NCALD: variants seen among roughly 807,000 people sequenced by gnomAD.
The protein encoded by NCALD is neurocalcin-delta.
A neutral mutation model predicts 18.6 loss-of-function variants in NCALD; 10 were observed. The ratio of observed to expected loss-of-function variants is 0.54; its 90% CI spans 0.33 to 0.91. The LOEUF is 0.91. Ranked by LOEUF, NCALD falls within the 40% of genes least tolerant of loss-of-function variation. The pLI is 0.03. For missense variants in NCALD, 184 were observed against 247.6 expected (o/e 0.74, Z 1.72); for synonymous variants, 88 against 87.4 (o/e 1.01, Z -0.04).
At chr8:101,766,624 T>C (rs1254081940) in intron 1 of NCALD, among the ~76,000 whole-genome samples, 1 of 152,204 alleles carries the variant, frequency 6.6e-6, no homozygotes, top group African/African-American at 2.4e-5. Flanking sequence ...GGTCTGTCTG[T>C]CACCCAGGCT....
At chr8:101,872,022 A>C in intron 4 of NCALD, 1 of 1,068,776 alleles carries the variant, frequency 9.4e-7, no homozygotes, top group South Asian at 1.3e-5. Flanking sequence ...CGATCAACTG[A>C]GCCTTGATGT....
At position 101,928,687 on chromosome 8, in the gene NCALD, G is replaced by A. The variant is rs74719124; in HGVS notation, c.-156-12829C>T. ...GAGTTTTTTCCTTTATTGATCTCCT[G>A]TTTATTCATTTTCAGGACTTCTTAC... On this transcript the variant is annotated intron_variant, in intron 2 of 6. Coordinates refer to the NCALD transcript ENST00000311028. 1.1e-3 allele frequency among the ~76,000 whole-genome samples: 167 copies of A among 149,354 alleles called. 1 individual carries two copies. In the East Asian group the frequency reaches 0.031, roughly 28 times the overall value.
At chr8:102,092,378 C>T (rs1202565560) in intron 1 of NCALD, among the ~76,000 whole-genome samples, 1 of 152,214 alleles carries the variant, frequency 6.6e-6, no homozygotes. Flanking sequence ...CCTTTACTTT[C>T]CTAATAAACT....
At chr8:101,764,131 G>A (rs981274698) in intron 1 of NCALD, among the ~76,000 whole-genome samples, 2 of 152,110 alleles carry the variant, frequency 1.3e-5, no homozygotes, top group African/African-American at 2.4e-5. Context: ...TTGGGACTGA[G>A]TTGAAAACTG....
At chr8:102,018,050 C>T (rs1822149030) in intron 2 of NCALD, among the ~76,000 whole-genome samples, 1 of 152,086 alleles carries the variant, frequency 6.6e-6, no homozygotes, top group Admixed American at 6.5e-5. Context: ...GTTATACGCT[C>T]AAATTGCTAA....
At chr8:101,749,522 T>C (rs1179345511) in intron 1 of NCALD, among the ~76,000 whole-genome samples, 1 of 152,180 alleles carries the variant, frequency 6.6e-6, no homozygotes, top group African/African-American at 2.4e-5. Flanking sequence ...CCACTAAGTA[T>C]ATGACAGGCT....
chr8:101,784,164 C>T (rs6983880), intron 1 of NCALD, among the ~76,000 whole-genome samples: 3,463 of 152,118 alleles, frequency 0.023, 128 homozygotes, highest in African/African-American at 0.078. Context: ...ACCTGATGAC[C>T]GGGCCTGGAG....
At position 101,689,523 on chromosome 8, in the gene NCALD, G is replaced by T; in HGVS notation, c.485-117C>A. Reference sequence around the variant, plus strand: ...ACCTGCCTGCAGCCTCACTGCCACTGTGACACACAGCACTCACCTGTCCCG... The same window carrying T: ...ACCTGCCTGCAGCCTCACTGCCACTTTGACACACAGCACTCACCTGTCCCG... On this transcript the variant is annotated intron_variant, in intron 3 of 3. Coordinates refer to ENST00000220931, the MANE Select transcript of NCALD (RefSeq NM_032041.3). The surrounding 1 kb of genome is among the most constrained non-coding windows in gnomAD (Gnocchi z 4.4). 4.1e-6 allele frequency: 3 copies of T among 740,358 alleles called. No homozygotes were observed. The highest frequency in any genetic ancestry group is 6.9e-6 in the Non-Finnish European group (3 of 434,160). 45.9% of individuals were successfully genotyped at this position (740,358 alleles called of 1,614,324 possible).
intron 2 of NCALD, among the ~76,000 whole-genome samples, chr8:101,962,139 A>G (rs1400432691): frequency 6.6e-6 from 1 of 152,172 alleles, no homozygotes; most frequent in Non-Finnish European, 1.5e-5. Flanking sequence ...AAAACCCATA[A>G]TAATCTCCTC....
intron 2 of NCALD, among the ~76,000 whole-genome samples, chr8:101,700,947 G>C (rs1346072868): frequency 6.6e-6 from 1 of 152,204 alleles, no homozygotes; most frequent in African/African-American, 2.4e-5. Flanking sequence ...GGAGGAAGTG[G>C]GGTCTTCTTT....
chr8:102,087,211 T>C (rs1015499836), intron 1 of NCALD, among the ~76,000 whole-genome samples: 5 of 152,208 alleles, frequency 3.3e-5, no homozygotes, highest in South Asian at 2.1e-4. Context: ...AGGATCTGGA[T>C]TGGGACCCTT....
intron 1 of NCALD, among the ~76,000 whole-genome samples, chr8:102,111,411 G>GGTGT (rs1825634778): frequency 9.6e-6 from 1 of 103,968 alleles, no homozygotes; most frequent in Non-Finnish European, 2.1e-5. Flanking sequence ...TGTCTAAAGA[G>GGTGT]ATGTGTGTGT....
intron 2 of NCALD, among the ~76,000 whole-genome samples, chr8:101,993,583 G>A (rs1237329317): frequency 1.3e-5 from 2 of 152,172 alleles, no homozygotes; most frequent in Non-Finnish European, 2.9e-5. Context: ...GGGCAGGTCT[G>A]GCACAGAATG....
chr8:101,978,430 T>C (rs1820502406), intron 2 of NCALD, among the ~76,000 whole-genome samples: 1 of 152,208 alleles, frequency 6.6e-6, no homozygotes, highest in African/African-American at 2.4e-5. Context: ...TTTCATTTTA[T>C]CTTCCTATGA....
chr8:102,085,994 T>C (rs980441910), intron 1 of NCALD, among the ~76,000 whole-genome samples: 1 of 152,218 alleles, frequency 6.6e-6, no homozygotes, highest in Non-Finnish European at 1.5e-5. Flanking sequence ...TAATCTTTTT[T>C]CCTGACATTT....
At chr8:101,791,285 C>T (rs529551547), upstream of NCALD, among the ~76,000 whole-genome samples, 41 of 152,246 alleles carry the variant, frequency 2.7e-4, no homozygotes, top group Middle Eastern at 3.4e-3. Context: ...AAAATATATG[C>T]CACCCTGAAG....
At chr8:102,053,687 A>G (rs1823529245) in intron 1 of NCALD, among the ~76,000 whole-genome samples, 1 of 152,176 alleles carries the variant, frequency 6.6e-6, no homozygotes, top group Non-Finnish European at 1.5e-5. Context: ...TTTCTCTTTG[A>G]CTTTGAATCA....
chr8:101,814,548 C>G (rs1813423683), intron 4 of NCALD, among the ~76,000 whole-genome samples: 1 of 152,042 alleles, frequency 6.6e-6, no homozygotes, highest in Non-Finnish European at 1.5e-5. Context: ...AGATGATAAA[C>G]TCACAGCTTC....
intron 4 of NCALD, among the ~76,000 whole-genome samples, chr8:101,878,344 A>G (rs1816317966): frequency 6.6e-6 from 1 of 152,386 alleles, no homozygotes; most frequent in East Asian, 1.9e-4. Context: ...GGTAGATGCT[A>G]AACTAACTCC....
Sources: gnomAD v4.1 joint callset for allele counts (sites outside exome capture counted in the v4.1 genomes callset) on GRCh38, gnomAD v4.1.1 for gene constraint, Gnocchi (gnomAD v3.1) non-coding constraint, MANE v1.5 for transcripts, NCBI Gene and HGNC (gene_info 2026-07-23, HGNC 2026-07-21) for gene names.